The following GNAL variants were observed in gnomAD, a reference collection of about 807,000 sequenced individuals.
The protein encoded by GNAL is G protein subunit alpha L, also known as guanine nucleotide-binding protein G(olf) subunit alpha.
GNAL carries 18 observed loss-of-function variants against 55.1 expected under a neutral mutation model. The ratio of observed to expected loss-of-function variants is 0.33; its 90% CI spans 0.23 to 0.48. The LOEUF is 0.48. GNAL is among the 20% of genes least tolerant of loss of function. The pLI is 0.99. For missense variants in GNAL, 412 were observed against 614.1 expected, an observed-to-expected ratio of 0.67 and a Z score of 3.48; for synonymous variants, 253 against 237.0, an observed-to-expected ratio of 1.07 and a Z score of -0.62.
intron 5 of GNAL, chr18:11,853,153 T>G (rs1454691968): frequency 1.2e-5 from 2 of 167,068 alleles, no homozygotes; most frequent in Non-Finnish European, 2.9e-5. Flanking sequence ...TATTAATTTG[T>G]CCAAAAGCAA....
chr18:11,732,406 C>T (rs1395227436), intron 1 of GNAL, among the ~76,000 whole-genome samples: 1 of 152,170 alleles, frequency 6.6e-6, no homozygotes, highest in Non-Finnish European at 1.5e-5. Context: ...TTTTGATTTG[C>T]AGTTCCTTAA....
At position 11,746,177 on chromosome 18, in the gene GNAL, A is replaced by G. The variant is rs2032683782; in HGVS notation, c.377-6676A>G. 3 of 546,676 alleles carry G rather than the reference A, an allele frequency of 5.5e-6. No homozygotes were observed. The Admixed American group carries it at 5.8e-5, about 10-fold the overall frequency. The allele number at this position is 546,676 out of a possible 1,614,324, so 33.9% of individuals were successfully genotyped here. On this transcript the variant is annotated intron_variant, in intron 1 of 11. Coordinates refer to ENST00000334049, the MANE Select transcript of GNAL (RefSeq NM_182978.4). Reference sequence around the variant, plus strand: ...ATTTAAAGGCAAATGGCAAAGTTGCATCTGTGGAAATGGTTAAATATCATC... The same window carrying G: ...ATTTAAAGGCAAATGGCAAAGTTGCGTCTGTGGAAATGGTTAAATATCATC...
intron 11 of GNAL, among the ~76,000 whole-genome samples, chr18:11,879,844 C>T (rs1046866502): frequency 3.9e-5 from 6 of 152,236 alleles, no homozygotes; most frequent in Non-Finnish European, 5.9e-5. Flanking sequence ...AGGCAGCAAA[C>T]GTTCCCCCGA....
chr18:11,842,524 A>G (rs2035640988), intron 5 of GNAL, among the ~76,000 whole-genome samples: 1 of 152,044 alleles, frequency 6.6e-6, no homozygotes, highest in African/African-American at 2.4e-5. Context: ...GTTTTCCTGC[A>G]ACTAGATGGT....
chr18:11,821,330 G>A (rs2143628197), intron 4 of GNAL, among the ~76,000 whole-genome samples: 1 of 152,310 alleles, frequency 6.6e-6, no homozygotes, highest in South Asian at 2.1e-4. Flanking sequence ...GTGGTAGTAT[G>A]CATAGTGGTT....
chr18:11,763,885 AC>A (rs1453244403), intron 4 of GNAL, among the ~76,000 whole-genome samples: 5 of 152,026 alleles, frequency 3.3e-5, no homozygotes, highest in Non-Finnish European at 5.9e-5. Flanking sequence ...CCTGACATTG[AC>A]TTTGTAGAAC....
At chr18:11,725,939 G>A (rs1040725395) in intron 1 of GNAL, among the ~76,000 whole-genome samples, 4 of 152,206 alleles carry the variant, frequency 2.6e-5, no homozygotes, top group Admixed American at 2.6e-4. Flanking sequence ...CCAGCATTTG[G>A]TGGTGTTGGT....
intron 4 of GNAL, among the ~76,000 whole-genome samples, chr18:11,788,914 A>AAAAAAATAT (rs60071996): frequency 1.8e-3 from 101 of 56,278 alleles, no homozygotes; most frequent in East Asian, 5.0e-3. Flanking sequence ...AAAAAAAAAA[A>AAAAAAATAT]ATATATATAT....
chr18:11,841,176 C>A (rs2035605950), intron 5 of GNAL, among the ~76,000 whole-genome samples: 1 of 152,076 alleles, frequency 6.6e-6, no homozygotes, highest in African/African-American at 2.4e-5. Flanking sequence ...ACCCAGCCTT[C>A]ATCAGCTTTC....
intron 4 of GNAL, among the ~76,000 whole-genome samples, chr18:11,798,478 C>CTT (rs1053592561): frequency 6.6e-6 from 1 of 152,130 alleles, no homozygotes; most frequent in African/African-American, 2.4e-5. Context: ...TGAACCTGAC[C>CTT]TTCACCCCAC....
chr18:11,739,261 G>A lies in GNAL; in HGVS notation c.377-13592G>A, dbSNP rs538250255. 6.6e-5 allele frequency among the ~76,000 whole-genome samples: 10 copies of A among 152,286 alleles called. No homozygotes were observed. The East Asian group carries it at 1.5e-3, about 24-fold the overall frequency. On this transcript the variant is annotated intron_variant, in intron 1 of 11. Coordinates refer to ENST00000334049, the MANE Select transcript of GNAL (RefSeq NM_182978.4). The stretch of plus-strand genomic sequence containing the variant: ...TCCTAAATGCCCCTCACCCAGGTTC[G>A]CCTCTTGTTCACATTTCCCTGTGTG...
At chr18:11,836,539 T>C (rs912802900) in intron 5 of GNAL, among the ~76,000 whole-genome samples, 1 of 152,200 alleles carries the variant, frequency 6.6e-6, no homozygotes, top group Admixed American at 6.5e-5. Flanking sequence ...CTCATATTTA[T>C]TGAAACTTGC....
intron 5 of GNAL, chr18:11,853,221 C>A (rs943063105): frequency 2.4e-5 from 4 of 167,102 alleles, no homozygotes; most frequent in Admixed American, 6.5e-5. Flanking sequence ...CCATGCAAGT[C>A]ATTTATGTAT....
intron 5 of GNAL, among the ~76,000 whole-genome samples, chr18:11,861,991 A>C (rs892396282): frequency 2.1e-4 from 12 of 55,860 alleles, no homozygotes; most frequent in African/African-American, 5.0e-4. Flanking sequence ...CACACACACA[A>C]CATCTGGATT....
At chr18:11,732,538 G>T (rs2032362451) in intron 1 of GNAL, among the ~76,000 whole-genome samples, 1 of 151,190 alleles carries the variant, frequency 6.6e-6, no homozygotes, top group Non-Finnish European at 1.5e-5. Context: ...TTTCTCATTT[G>T]TTCTCAAGCA....
At chr18:11,721,867 CAA>C (rs2032101258) in intron 1 of GNAL, among the ~76,000 whole-genome samples, 1 of 150,650 alleles carries the variant, frequency 6.6e-6, no homozygotes, top group African/African-American at 2.4e-5. Context: ...GCCTGGGAGA[CAA>C]GAGTGAAACT....
chr18:11,795,151 G>C (rs1568030584), intron 4 of GNAL, among the ~76,000 whole-genome samples: 1 of 152,068 alleles, frequency 6.6e-6, no homozygotes, highest in Non-Finnish European at 1.5e-5. Flanking sequence ...CCTAATCCCA[G>C]CACTTTGGGA....
Position 11,689,599 on chromosome 18 carries a change from C to T in GNAL, c.36C>T (p.Phe12=). Residue 12 remains phenylalanine, a synonymous_variant, in exon 1 of 12, where the codon TTC becomes TTT. Transcript: ENST00000334049. ...GCTACAGTCTGCGGCCGCTGCTTTTCGGGGGCCCAGGGGACGACCCCTGCG... is the reference window on the plus strand; with the variant it reads ...GCTACAGTCTGCGGCCGCTGCTTTTTGGGGGCCCAGGGGACGACCCCTGCG... The part of the protein sequence containing the change: ...GLCYSLRPLL[F]GGPGDDPCAA... The T allele has an allele frequency of 7.5e-7, 1 of 1,334,974 alleles. No individual in the cohort carries two copies. The highest frequency in any genetic ancestry group is 3.2e-5 in the East Asian group (1 of 31,710). The allele number at this position is 1,334,974 out of a possible 1,614,324, so 82.7% of individuals were successfully genotyped here.
chr18:11,852,088 G>A, intron 5 of GNAL: 1 of 1,605,472 alleles, frequency 6.2e-7, no homozygotes. Flanking sequence ...TCAGAGACTG[G>A]CCCGCCTTCG....
Sources: allele counts gnomAD v4.1 joint callset (sites outside exome capture counted in the v4.1 genomes callset), GRCh38; gene constraint gnomAD v4.1.1; transcripts MANE v1.5; gene names NCBI Gene and HGNC (gene_info 2026-07-23, HGNC 2026-07-21).